Variants in FLOT2 observed in about 807,000 individuals in gnomAD.
The protein encoded by FLOT2 is flotillin 2, also known as flotillin-2.
Under a neutral mutation model 54.9 loss-of-function variants are expected in FLOT2, and 35 were observed. The ratio of observed to expected loss-of-function variants is 0.64; its 90% confidence interval spans 0.49 to 0.84. FLOT2 has a LOEUF of 0.84. FLOT2 is among the 40% of genes least tolerant of loss of function. FLOT2 has a pLI of 0.00. For missense variants in FLOT2, 464 were observed against 572.1 expected, an observed-to-expected ratio of 0.81 and a Z score of 1.93; for synonymous variants, 207 against 228.9, an observed-to-expected ratio of 0.90 and a Z score of 0.86.
At position 28,884,137 on chromosome 17, in the gene FLOT2, T is replaced by C; in HGVS notation, c.222+88A>G. On this transcript the variant is annotated intron_variant, in intron 3 of 10. Coordinates refer to ENST00000394908, the MANE Select transcript of FLOT2 (RefSeq NM_004475.3). The surrounding 1 kb of genome is among the most constrained non-coding windows in gnomAD (Gnocchi z 5.1). ...TGGGGTGCTGGAGAGAGACTGCCCCTGGCTGCTGTCCTCTCCTCCTCCCCC... is the reference window on the plus strand; with the variant it reads ...TGGGGTGCTGGAGAGAGACTGCCCCCGGCTGCTGTCCTCTCCTCCTCCCCC... The C allele has an allele frequency of 1.0e-6, 1 of 978,626 alleles. No homozygotes were observed. The highest frequency in any genetic ancestry group is 1.6e-6 in the Non-Finnish European group (1 of 608,716). 60.6% of individuals were successfully genotyped at this position (978,626 alleles called of 1,614,324 possible). A position where few individuals can be genotyped will look rare whatever the true frequency, so the allele number is the denominator to read the frequency against.
rs2039756276 is a variant in FLOT2 at position 28,897,161 on chromosome 17, C to G, written c.49+365G>C. Among the ~76,000 whole-genome samples, 1 of 152,264 alleles carries G rather than the reference C, an allele frequency of 6.6e-6. No individual in the cohort carries two copies. The highest frequency in any genetic ancestry group is 2.1e-4 in the South Asian group (1 of 4,838). On this transcript the variant is annotated intron_variant, in intron 1 of 10. Coordinates refer to ENST00000394908, the MANE Select transcript of FLOT2 (RefSeq NM_004475.3). The surrounding 1 kb of genome is among the most constrained non-coding windows in gnomAD (Gnocchi z 4.4). ...CGCCCCCCATCCCGGGCGCTGGAAT[C>G]CAGCCAAACCTCTGCGTTCCCGGAA...
chr17:28,889,319 G>A (rs1313271315), intron 1 of FLOT2, among the ~76,000 whole-genome samples: 2 of 152,110 alleles, frequency 1.3e-5, no homozygotes, highest in African/African-American at 2.4e-5. Flanking sequence ...AATGGGCAGA[G>A]GTGATCTGAA....
Position 28,881,969 on chromosome 17 carries a change from C to A in FLOT2, c.759G>T (p.Arg253=). 6.2e-7 allele frequency: 1 copy of A among 1,614,170 alleles called. No homozygotes were observed. The highest frequency in any genetic ancestry group is 8.5e-7 in the Non-Finnish European group (1 of 1,180,046). The change falls in exon 8 of 11, where the codon CGG becomes CGT. Residue 253 remains arginine (R), a synonymous_variant. Transcript: ENST00000394908. ...CAACCTCAATCTCAATCTCTTCCTGCCGGATCTTCTGCTGTTCACGGGCCC... is the reference window on the plus strand; with the variant it reads ...CAACCTCAATCTCAATCTCTTCCTGACGGATCTTCTGCTGTTCACGGGCCC... ...LQGAREQQKI[R]QEEIEIEVVQ... is the part of the protein sequence containing the mutation.
At chr17:28,881,647 C>G (rs2039449650) in intron 8 of FLOT2, 167 bp downstream of exon 8, 1 of 683,064 alleles carries the variant, frequency 1.5e-6, no homozygotes, top group South Asian at 1.9e-5. Flanking sequence ...GTCTTCCCAA[C>G]AGCAGTCCCA....
In FLOT2 at chr17:28,880,163, G is replaced by T; in HGVS notation, c.*398C>A. 2 of 1,081,604 alleles carry T rather than the reference G, an allele frequency of 1.8e-6. No homozygotes were observed. Among genetic ancestry groups the T allele is most frequent in the Non-Finnish European group, 2.3e-6 (2 of 887,352 alleles). 67.0% of individuals were successfully genotyped at this position (1,081,604 alleles called of 1,614,324 possible). On this transcript the variant is annotated 3_prime_UTR_variant, in exon 11 of 11. Transcript: ENST00000394908. ...TGCTGAGCTCTGGCCAGGGCCATAG[G>T]GAGGATGGACAGATGCACAGAGAAC...
At chr17:28,880,670 C>T (rs748595512) in intron 10 of FLOT2, 43 bp downstream of exon 10, 81 of 1,613,712 alleles carry the variant, frequency 5.0e-5, no homozygotes, top group African/African-American at 9.3e-5. Flanking sequence ...GCCAGTCCGA[C>T]GGGCTACCTG....
At chr17:28,885,642 T>C in intron 2 of FLOT2, 1 of 717,530 alleles carries the variant, frequency 1.4e-6, no homozygotes, top group African/African-American at 1.7e-5. Context: ...CCAGAATCCC[T>C]TGCTGTTTCC....
Position 28,889,015 on chromosome 17 carries a change from C to G in FLOT2, c.61G>C (p.Gly21Arg). ...EALVVSGGCCGSDYKQYVFGG... is the reference protein window; with the variant it reads ...EALVVSGGCCRSDYKQYVFGG... ...AACACGTACTGTTTATAGTCGGAACCACAACAGCCCCCTGGGGAGCAAAGC... is the reference window on the plus strand; with the variant it reads ...AACACGTACTGTTTATAGTCGGAACGACAACAGCCCCCTGGGGAGCAAAGC... Residue 21 changes from glycine to arginine, a missense_variant, in exon 2 of 11, where the codon GGT becomes CGT. Physicochemically the swap from Gly to Arg is moderately radical, Grantham distance 125. Transcript: ENST00000394908. 6.2e-7 allele frequency: 1 copy of G among 1,614,094 alleles called. No homozygotes were observed. Among genetic ancestry groups the G allele is most frequent in the Non-Finnish European group, 8.5e-7 (1 of 1,179,984 alleles).
chr17:28,880,620 A>T (rs951023348), intron 10 of FLOT2, 21 bp from the exon 11 acceptor site: 3 of 1,613,934 alleles, frequency 1.9e-6, no homozygotes, highest in African/African-American at 1.3e-5. Flanking sequence ...GGGAGATGCC[A>T]TGAGACCTTG....
At chr17:28,885,170 A>T (rs1398399014) in intron 2 of FLOT2, among the ~76,000 whole-genome samples, 1 of 152,214 alleles carries the variant, frequency 6.6e-6, no homozygotes, top group African/African-American at 2.4e-5. Flanking sequence ...CTTCCACACA[A>T]GGTGCTCCAA....
intron 1 of FLOT2, among the ~76,000 whole-genome samples, chr17:28,891,472 C>T (rs1453357290): frequency 2.0e-5 from 3 of 152,244 alleles, no homozygotes; most frequent in African/African-American, 7.2e-5. Context: ...ATCAGGGAGA[C>T]TGGTCTCTTG....
rs560781790 is a variant in FLOT2 at position 28,883,703 on chromosome 17, C to T, written c.223-472G>A. 6.6e-6 allele frequency among the ~76,000 whole-genome samples: 1 copy of T among 152,314 alleles called. No individual in the cohort carries two copies. Among genetic ancestry groups the T allele is most frequent in the African/African-American group, 2.4e-5 (1 of 41,560 alleles). ...TTCTTGAGTTACTCAGCCAACCCCT[C>T]GCCGAGGCCTACAGCATGGCTGAAC... On this transcript the variant is annotated intron_variant, in intron 3 of 10. Coordinates refer to ENST00000394908, the MANE Select transcript of FLOT2 (RefSeq NM_004475.3). This position sits in a 1 kb window ranked among gnomAD's most constrained non-coding sequence, Gnocchi z 5.0.
intron 1 of FLOT2, among the ~76,000 whole-genome samples, chr17:28,889,691 G>A (rs1437418118): frequency 6.7e-6 from 1 of 149,862 alleles, no homozygotes; most frequent in East Asian, 2.0e-4. Context: ...CCAGGCTGGA[G>A]TGCAGTGGCG....
rs193170088 is a variant in FLOT2 at position 28,892,729 on chromosome 17, C to A, written c.50-3703G>T. On this transcript the variant is annotated intron_variant, in intron 1 of 10. Coordinates refer to ENST00000394908, the MANE Select transcript of FLOT2 (RefSeq NM_004475.3). The stretch of plus-strand genomic sequence containing the variant: ...GCAGTGCCACAATATCAGCTCAATG[C>A]AACTTCCGCCTCCCAGATTCAAGTG... Among the ~76,000 whole-genome samples, 636 of 152,126 alleles carry A rather than the reference C, an allele frequency of 4.2e-3. 7 individuals carry two copies. Among genetic ancestry groups the A allele is most frequent in the African/African-American group, 0.015 (616 of 41,496 alleles).
Position 28,881,271 on chromosome 17 carries a change from C to T in FLOT2, c.1019G>A (p.Arg340Gln), listed in dbSNP as rs763188881. The change falls in exon 9 of 11, where the codon CGG (arginine) becomes CAG (glutamine). Residue 340 changes from arginine (R) to glutamine (Q), a missense_variant. By Grantham distance (43) the Arg-to-Gln change is conservative. Transcript: ENST00000394908. ...GTAGGCTTCTGCCTTGAGCTTCATC[C>T]GCTCAGCCTCTGCCTTGCCCATCGC... is the stretch of plus-strand genomic sequence containing the variant. Reference protein sequence around the residue: ...IEAMGKAEAERMKLKAEAYQK... With the variant: ...IEAMGKAEAEQMKLKAEAYQK... The T allele has an allele frequency of 3.6e-5, 58 of 1,614,066 alleles. No homozygotes were observed. The Admixed American group carries it at 4.8e-4, about 13-fold the overall frequency.
At chr17:28,894,643 T>TTC (rs2039711435) in intron 1 of FLOT2, among the ~76,000 whole-genome samples, 1 of 74,078 alleles carries the variant, frequency 1.3e-5, no homozygotes, top group African/African-American at 4.2e-5. Flanking sequence ...TTTTTTTTTT[T>TTC]AAATACTGAG....
intron 9 of FLOT2, 93 bp downstream of exon 9, chr17:28,881,099 G>T: frequency 8.1e-7 from 1 of 1,228,236 alleles, no homozygotes; most frequent in African/African-American, 1.5e-5. Flanking sequence ...CTGTCCCTGT[G>T]TTACTCGCAA....
Position 28,879,343 on chromosome 17 carries a change from C to T in FLOT2, c.*1218G>A. On this transcript the variant is annotated 3_prime_UTR_variant, in exon 11 of 11. Coordinates refer to ENST00000394908, the MANE Select transcript of FLOT2 (RefSeq NM_004475.3). ...ACAGAAGACACAATGCAGGGGTGGG[C>T]ATTAAGAGTTCTTTATTTTACCAGA... 3 of 987,824 alleles carry T rather than the reference C, an allele frequency of 3.0e-6. No individual in the cohort carries two copies. The highest frequency in any genetic ancestry group is 3.6e-6 in the Non-Finnish European group (3 of 829,926). The allele number at this position is 987,824 out of a possible 1,614,324, so 61.2% of individuals were successfully genotyped here. A position where few individuals can be genotyped will look rare whatever the true frequency, so the allele number is the denominator to read the frequency against.
Position 28,883,222 on chromosome 17 carries a change from T to C in FLOT2, c.232A>G (p.Met78Val). 6.2e-7 allele frequency: 1 copy of C among 1,614,078 alleles called. No homozygotes were observed. Among genetic ancestry groups the C allele is most frequent in the Non-Finnish European group, 8.5e-7 (1 of 1,179,994 alleles). The change falls in exon 4 of 11, where the codon ATG (methionine) becomes GTG (valine). Residue 78 changes from methionine to valine, a missense_variant. By Grantham distance (21) the Met-to-Val change is conservative (BLOSUM62 1). Coordinates refer to ENST00000394908, the MANE Select transcript of FLOT2 (RefSeq NM_004475.3). The surrounding 1 kb of genome is among the most constrained non-coding windows in gnomAD (Gnocchi z 5.0). The stretch of plus-strand genomic sequence containing the variant: ...ACGGCCAGGAGTTCCTTCTCCGTCA[T>C]GATCTTCACCTGTCAGTGACGACAA... ...TVTGVAQVKI[M>V]TEKELLAVAC...
Sources: allele counts gnomAD v4.1 joint callset (sites outside exome capture counted in the v4.1 genomes callset), GRCh38; gene constraint gnomAD v4.1.1; non-coding constraint Gnocchi (gnomAD v3.1); transcripts MANE v1.5; gene names NCBI Gene and HGNC (gene_info 2026-07-23, HGNC 2026-07-21).